The following DNAH17 variants were observed in gnomAD, a reference collection of about 807,000 sequenced individuals.
DNAH17 encodes the protein dynein axonemal heavy chain 17.
A neutral mutation model predicts 485.6 loss-of-function variants in DNAH17; 376 were observed. That is an observed-to-expected ratio of 0.77 (90% CI 0.71 to 0.84). The LOEUF is 0.84. Ranked by LOEUF, DNAH17 falls within the 40% of genes least tolerant of loss-of-function variation. The pLI, the probability that DNAH17 is intolerant of heterozygous loss-of-function variation, is 0.00. For synonymous variants in DNAH17, 3,031 were observed against 2,405.9 expected (o/e 1.26, Z -7.60); for missense variants, 6,370 against 5,839.3 (o/e 1.09, Z -2.96).
rs762713390 is a variant in DNAH17 at position 78,434,175 on chromosome 17, G to A, written c.12079C>T (p.Leu4027Phe). 3 of 1,613,322 alleles carry A rather than the reference G, an allele frequency of 1.9e-6. No individual in the cohort carries two copies. In the African/African-American group the frequency reaches 4.0e-5, roughly 22 times the overall value. Residue 4027 changes from leucine to phenylalanine, a missense_variant, in exon 75 of 81, where the codon CTC becomes TTC. Physicochemically the swap from Leu to Phe is conservative, Grantham distance 22. Transcript: ENST00000389840. The part of the protein sequence containing the change: ...CTKEMEFKCM[L>F]FALCYFHAVV... ...GCGTGGAAGTAGCACAGGGCGAAGA[G>A]CATGCACTTGAACTCCATCTCCTTG...
chr17:78,474,322 T>C (rs1192359852), intron 54 of DNAH17, among the ~76,000 whole-genome samples: 1 of 152,250 alleles, frequency 6.6e-6, no homozygotes, highest in Non-Finnish European at 1.5e-5. Context: ...CCAATCGATT[T>C]CAGGTCTAAT....
chr17:78,452,012 T>TTC (rs1489667339), intron 65 of DNAH17, among the ~76,000 whole-genome samples: 5 of 151,940 alleles, frequency 3.3e-5, no homozygotes, highest in Non-Finnish European at 5.9e-5. Flanking sequence ...CATTCGTCCA[T>TTC]TCTGGAAGCT....
chr17:78,537,216 A>C, intron 19 of DNAH17, 83 bp downstream of exon 19: 1 of 1,393,906 alleles, frequency 7.2e-7, no homozygotes, highest in Non-Finnish European at 9.7e-7. Context: ...TAAACGGCGA[A>C]GCCTTGCCGA....
intron 66 of DNAH17, among the ~76,000 whole-genome samples, chr17:78,451,083 G>A (rs1336713535): frequency 1.3e-5 from 2 of 152,266 alleles, no homozygotes; most frequent in Admixed American, 6.5e-5. Context: ...ACGGGGACAG[G>A]CGGGCCTGGG....
intron 69 of DNAH17, among the ~76,000 whole-genome samples, chr17:78,446,152 C>A (rs1255425348): frequency 2.9e-5 from 3 of 104,962 alleles, no homozygotes; most frequent in African/African-American, 1.1e-4. Flanking sequence ...CTAGCCTGGG[C>A]AACAGAGTGA....
intron 72 of DNAH17, among the ~76,000 whole-genome samples, chr17:78,440,196 A>G (rs948840636): frequency 1.4e-5 from 2 of 145,086 alleles, no homozygotes; most frequent in African/African-American, 5.1e-5. Context: ...CAGACTCCCA[A>G]AGTTCTGGGA....
At chr17:78,467,737 G>A (rs2088544784) in intron 55 of DNAH17, among the ~76,000 whole-genome samples, 1 of 152,166 alleles carries the variant, frequency 6.6e-6, no homozygotes, top group South Asian at 2.1e-4. Context: ...TTACCCTAGA[G>A]GTGATGTCGA....
rs2087548313 is a variant in DNAH17 at position 78,451,433 on chromosome 17, C to T, written c.10734+36G>A. 5.7e-6 allele frequency: 9 copies of T among 1,572,624 alleles called. No individual in the cohort carries two copies. The East Asian group carries it at 9.0e-5, about 16-fold the overall frequency. On this transcript the variant is annotated intron_variant, in intron 66 of 80. Transcript: ENST00000389840. Reference sequence around the variant, plus strand: ...ACCTGGCCCCCTCTGTGTGGGACGGCACCTCCTCCCGTGTGACCAAACTTC... The same window carrying T: ...ACCTGGCCCCCTCTGTGTGGGACGGTACCTCCTCCCGTGTGACCAAACTTC...
chr17:78,543,675 T>C lies in DNAH17; in HGVS notation c.2532+182A>G, dbSNP rs1460470866. ...CCTGACATTAGGTGATCCGCCCGAC[T>C]CAGCCTCCCAGAGTGCTGGGATTAC... On this transcript the variant is annotated intron_variant, in intron 17 of 80. Transcript: ENST00000389840. 1.5e-5 allele frequency: 13 copies of C among 878,656 alleles called. No individual in the cohort carries two copies. In the East Asian group the frequency reaches 3.2e-4, roughly 22 times the overall value. 54.4% of individuals were successfully genotyped at this position (878,656 alleles called of 1,614,324 possible). A position where few individuals can be genotyped will look rare whatever the true frequency, so the allele number is the denominator to read the frequency against.
intron 44 of DNAH17, among the ~76,000 whole-genome samples, chr17:78,487,725 A>G (rs1393034742): frequency 6.6e-6 from 1 of 152,082 alleles, no homozygotes; most frequent in East Asian, 1.9e-4. Context: ...GGGTTTCGCC[A>G]CGTTGGCCAG....
intron 13 of DNAH17, among the ~76,000 whole-genome samples, chr17:78,559,639 C>A (rs1052613527): frequency 1.3e-5 from 2 of 152,190 alleles, no homozygotes; most frequent in South Asian, 4.1e-4. Context: ...ATCTACGCAC[C>A]TCACAGCGTG....
chr17:78,438,418 TGAGGAGAAG>T (rs2086924659), intron 73 of DNAH17, among the ~76,000 whole-genome samples: 2 of 874 alleles, frequency 2.3e-3, no homozygotes, highest in Non-Finnish European at 2.1e-3. Context: ...CTGCCCCAAG[TGAGGAGAAG>T]GAGGAGGAGG....
At chr17:78,536,946 C>T (rs1030901058) in intron 19 of DNAH17, among the ~76,000 whole-genome samples, 3 of 151,816 alleles carry the variant, frequency 2.0e-5, no homozygotes, top group East Asian at 1.9e-4. Context: ...GAGGCCGAGG[C>T]GGGTGGATCA....
chr17:78,476,435 G>A (rs1313946331), intron 52 of DNAH17, 137 bp downstream of exon 52: 11 of 1,028,408 alleles, frequency 1.1e-5, no homozygotes, highest in South Asian at 5.3e-5. Flanking sequence ...TGGAATGATC[G>A]CGTGGAACCT....
At chr17:78,560,218 A>G (rs2092122675) in intron 13 of DNAH17, among the ~76,000 whole-genome samples, 1 of 152,176 alleles carries the variant, frequency 6.6e-6, no homozygotes, top group Admixed American at 6.5e-5. Context: ...CTCAGTAAGT[A>G]TTTGGTGAAC....
At chr17:78,540,234 A>C (rs2091485480) in intron 17 of DNAH17, among the ~76,000 whole-genome samples, 1 of 147,390 alleles carries the variant, frequency 6.8e-6, no homozygotes, top group Non-Finnish European at 1.5e-5. Context: ...TTTGGTCTGC[A>C]TGCCCTTTTG....
chr17:78,460,956 C>CA (rs1293787024), intron 58 of DNAH17, among the ~76,000 whole-genome samples: 2 of 151,956 alleles, frequency 1.3e-5, no homozygotes, highest in African/African-American at 2.4e-5. Flanking sequence ...GGACTGATGA[C>CA]AAAAAAAGCA....
intron 54 of DNAH17, chr17:78,472,650 C>G (rs748353515): frequency 2.0e-5 from 9 of 443,322 alleles, no homozygotes; most frequent in South Asian, 1.3e-4. Context: ...GGGAGGGGAG[C>G]TGGGGTAGCA....
Position 78,478,804 on chromosome 17 carries a change from A to AC in DNAH17, c.7992+220dup, listed in dbSNP as rs1344389692. 5.7e-6 allele frequency: 3 copies of AC among 524,868 alleles called. No homozygotes were observed. In the African/African-American group the frequency reaches 6.3e-5, roughly 11 times the overall value. 32.5% of individuals were successfully genotyped at this position (524,868 alleles called of 1,614,324 possible). A position where few individuals can be genotyped will look rare whatever the true frequency, so the allele number is the denominator to read the frequency against. The stretch of plus-strand genomic sequence containing the variant: ...CACTATCATCATAACCATCACTACC[A>AC]CCATCATCACATCACCATCATCACG... On this transcript the variant is annotated intron_variant, in intron 51 of 80. Transcript: ENST00000389840.
Sources: gnomAD v4.1 joint callset for allele counts (sites outside exome capture counted in the v4.1 genomes callset) on GRCh38, gnomAD v4.1.1 for gene constraint, MANE v1.5 for transcripts, NCBI Gene and HGNC (gene_info 2026-07-23, HGNC 2026-07-21) for gene names.